STX8: variants seen among roughly 807,000 people sequenced by gnomAD.
The protein encoded by STX8 is syntaxin-8.
STX8 carries 23 observed loss-of-function variants against 37.5 expected under a neutral mutation model. The observed-to-expected ratio is 0.61, with a 90% CI of 0.44 to 0.87. The LOEUF (loss-of-function observed/expected upper bound fraction) is 0.87, where lower values mean the gene tolerates loss of function less well. Ranked by LOEUF, STX8 falls within the 40% of genes least tolerant of loss-of-function variation. The pLI is 0.00. For missense variants in STX8, 313 were observed against 284.7 expected (o/e 1.10, Z -0.71); for synonymous variants, 115 against 99.1 (o/e 1.16, Z -0.95).
At chr17:9,364,895 A>C (rs1567798876) in intron 7 of STX8, among the ~76,000 whole-genome samples, 1 of 152,190 alleles carries the variant, frequency 6.6e-6, no homozygotes, top group East Asian at 1.9e-4. Context: ...AAATATGGTC[A>C]AAGTTACAGT....
chr17:9,267,228 G>A (rs1016382942), intron 7 of STX8, among the ~76,000 whole-genome samples: 2 of 152,274 alleles, frequency 1.3e-5, no homozygotes, highest in African/African-American at 4.8e-5. Flanking sequence ...CCTCTATGCC[G>A]AAAAGTGGGA....
At chr17:9,382,186 C>T (rs1911848227) in intron 6 of STX8, among the ~76,000 whole-genome samples, 1 of 152,092 alleles carries the variant, frequency 6.6e-6, no homozygotes, top group Admixed American at 6.5e-5. Flanking sequence ...CACACACACA[C>T]ACACACACAC....
At chr17:9,471,226 A>G (rs2142438081) in intron 6 of STX8, among the ~76,000 whole-genome samples, 1 of 136,754 alleles carries the variant, frequency 7.3e-6, no homozygotes, top group East Asian at 2.2e-4. Flanking sequence ...ATCTTGGCTC[A>G]CTGCAACCTC....
At chr17:9,409,751 T>C (rs922504145) in intron 6 of STX8, among the ~76,000 whole-genome samples, 2 of 152,136 alleles carry the variant, frequency 1.3e-5, no homozygotes, top group East Asian at 1.9e-4. Flanking sequence ...TTTCCAATTA[T>C]CTGGAATGAG....
At chr17:9,476,157 C>T (rs1053293142) in intron 6 of STX8, among the ~76,000 whole-genome samples, 19 of 152,262 alleles carry the variant, frequency 1.2e-4, no homozygotes, top group Admixed American at 8.5e-4. Context: ...CCAGCATGGG[C>T]GACAGAGCGA....
intron 6 of STX8, among the ~76,000 whole-genome samples, chr17:9,408,139 G>T (rs1298686062): frequency 6.6e-6 from 1 of 152,160 alleles, no homozygotes; most frequent in Non-Finnish European, 1.5e-5. Flanking sequence ...GAGAATTTAT[G>T]ATTTATGGGG....
intron 1 of STX8, among the ~76,000 whole-genome samples, chr17:9,572,438 C>T (rs965130747): frequency 6.6e-6 from 1 of 152,144 alleles, no homozygotes; most frequent in Non-Finnish European, 1.5e-5. Flanking sequence ...GACATGGAGT[C>T]TCGCTCTGTC....
At chr17:9,466,317 A>C (rs148117810) in intron 6 of STX8, among the ~76,000 whole-genome samples, 50 of 152,322 alleles carry the variant, frequency 3.3e-4, no homozygotes, top group African/African-American at 1.2e-3. Flanking sequence ...ATTCATAGGA[A>C]AGGTAAAAAG....
In STX8 at chr17:9,455,059, T is replaced by C. The variant is rs551224323; in HGVS notation, c.541+36770A>G. On this transcript the variant is annotated intron_variant, in intron 6 of 7. Transcript: ENST00000306357. ...AGCAAAACCCCGTCTCTACAAAAAA[T>C]TAAAAAATTAGCCAGGTGTGGTGGT... 1.2e-4 allele frequency among the ~76,000 whole-genome samples: 18 copies of C among 151,760 alleles called. 1 individual carries two copies. Among genetic ancestry groups the C allele is most frequent in the Admixed American group, 9.8e-4 (15 of 15,246 alleles).
chr17:9,307,783 C>T (rs1464298041), intron 7 of STX8, among the ~76,000 whole-genome samples: 1 of 152,116 alleles, frequency 6.6e-6, no homozygotes, highest in Non-Finnish European at 1.5e-5. Flanking sequence ...CTCCCATCCT[C>T]CTGTTTCCTG....
At chr17:9,431,238 T>TG (rs1366647380) in intron 6 of STX8, among the ~76,000 whole-genome samples, 1 of 118,756 alleles carries the variant, frequency 8.4e-6, no homozygotes, top group Non-Finnish European at 2.0e-5. Context: ...TTTATTTTTC[T>TG]GTTTTTTTTT....
At chr17:9,547,071 A>G (rs1906556825) in intron 3 of STX8, among the ~76,000 whole-genome samples, 1 of 150,582 alleles carries the variant, frequency 6.6e-6, no homozygotes, top group Non-Finnish European at 1.5e-5. Context: ...AACACGGTAA[A>G]ACCCCGTCTC....
chr17:9,335,801 G>GCT (rs775205364), intron 7 of STX8, among the ~76,000 whole-genome samples: 1 of 149,492 alleles, frequency 6.7e-6, no homozygotes, highest in African/African-American at 2.5e-5. Context: ...TTCAAGGTGG[G>GCT]CTCTCTCTCT....
intron 6 of STX8, among the ~76,000 whole-genome samples, chr17:9,379,884 C>G (rs866642411): frequency 6.6e-6 from 1 of 151,958 alleles, no homozygotes; most frequent in Middle Eastern, 3.4e-3. Context: ...AGGAGAATCG[C>G]TTGAACCAGG....
chr17:9,502,709 A>G (rs1904663776), intron 5 of STX8, among the ~76,000 whole-genome samples: 1 of 152,202 alleles, frequency 6.6e-6, no homozygotes, highest in African/African-American at 2.4e-5. Context: ...CTTTCTTTGT[A>G]ACAGTCAAAA....
At chr17:9,509,832 C>G (rs2142507009) in intron 4 of STX8, among the ~76,000 whole-genome samples, 1 of 50,900 alleles carries the variant, frequency 2.0e-5, no homozygotes, top group South Asian at 2.0e-3. Context: ...GACTGGATAA[C>G]TAGATTAAAA....
chr17:9,391,809 A>T (rs1172764971), intron 6 of STX8, among the ~76,000 whole-genome samples: 2 of 152,208 alleles, frequency 1.3e-5, no homozygotes, highest in African/African-American at 4.8e-5. Flanking sequence ...CACTGGAGAA[A>T]TAAAAAGGGA....
intron 3 of STX8, chr17:9,556,794 T>TAC (rs1263739674): frequency 2.6e-4 from 7 of 26,574 alleles, no homozygotes; most frequent in African/African-American, 1.2e-3. Flanking sequence ...TATATATATA[T>TAC]ACACATACAT....
At chr17:9,270,755 C>A (rs8078552) in intron 7 of STX8, among the ~76,000 whole-genome samples, 40,332 of 152,064 alleles carry the variant, frequency 0.27, 5,480 homozygotes, top group Admixed American at 0.32. Flanking sequence ...TAAAGCATTC[C>A]AGTAAAGTAA....
Sources: allele counts gnomAD v4.1 joint callset (sites outside exome capture counted in the v4.1 genomes callset), GRCh38; gene constraint gnomAD v4.1.1; transcripts MANE v1.5; gene names NCBI Gene and HGNC (gene_info 2026-07-23, HGNC 2026-07-21).